PDE11A: variants seen among roughly 807,000 people sequenced by gnomAD.
The protein encoded by PDE11A is phosphodiesterase 11A, also known as dual 3',5'-cyclic-AMP and -GMP phosphodiesterase 11A.
A neutral mutation model predicts 100.5 loss-of-function variants in PDE11A; 100 were observed. The ratio of observed to expected loss-of-function variants is 1.00; its 90% CI spans 0.85 to 1.18. PDE11A has a LOEUF of 1.18. Among genes scored for constraint, PDE11A ranks in the 50% most tolerant of loss-of-function variants. The pLI, the probability that PDE11A is intolerant of heterozygous loss-of-function variation, is 0.00. For synonymous variants in PDE11A, 381 were observed against 420.8 expected (o/e 0.91, Z 1.16); for missense variants, 1,141 against 1,152.6 (o/e 0.99, Z 0.15).
intron 9 of PDE11A, among the ~76,000 whole-genome samples, chr2:177,816,311 A>G (rs1274004499): frequency 6.6e-6 from 1 of 152,192 alleles, no homozygotes; most frequent in African/African-American, 2.4e-5. Flanking sequence ...GCTCTTTTGG[A>G]ACTTAGTGTC....
chr2:177,945,170 C>T (rs567434532), intron 2 of PDE11A, among the ~76,000 whole-genome samples: 50 of 151,368 alleles, frequency 3.3e-4, no homozygotes, highest in African/African-American at 1.2e-3. Context: ...CGGCTCACTA[C>T]AACCTACACC....
In PDE11A at chr2:177,783,490, G is replaced by C. The variant is rs142474774; in HGVS notation, c.1738-14117C>G. ...TACCCAAACTAACATTTTCATATTTGTCTTCCATTTTTTCTATTAAGCTCA... is the reference window on the plus strand; with the variant it reads ...TACCCAAACTAACATTTTCATATTTCTCTTCCATTTTTTCTATTAAGCTCA... On this transcript the variant is annotated intron_variant, in intron 9 of 19. Transcript: ENST00000286063. 2.1e-3 allele frequency among the ~76,000 whole-genome samples: 313 copies of C among 152,132 alleles called. 1 individual carries two copies. Among genetic ancestry groups the C allele is most frequent in the African/African-American group, 7.2e-3 (297 of 41,506 alleles).
intron 2 of PDE11A, among the ~76,000 whole-genome samples, chr2:177,918,832 A>C (rs993040089): frequency 6.6e-6 from 1 of 152,196 alleles, no homozygotes; most frequent in Non-Finnish European, 1.5e-5. Context: ...ATAATAAAGA[A>C]ACTTGTAAAA....
intron 2 of PDE11A, among the ~76,000 whole-genome samples, chr2:178,005,789 C>T (rs1218377079): frequency 1.3e-5 from 2 of 152,196 alleles, no homozygotes; most frequent in African/African-American, 4.8e-5. Flanking sequence ...AGCACTGTAA[C>T]AGTAACAGCC....
chr2:177,690,870 C>A (rs1205641437), intron 15 of PDE11A, among the ~76,000 whole-genome samples: 1 of 152,262 alleles, frequency 6.6e-6, no homozygotes, highest in African/African-American at 2.4e-5. Flanking sequence ...TGATCACAGA[C>A]AACTTAGTGA....
chr2:177,992,669 G>C (rs976739628), intron 2 of PDE11A, among the ~76,000 whole-genome samples: 8 of 152,112 alleles, frequency 5.3e-5, no homozygotes, highest in Non-Finnish European at 1.0e-4. Context: ...AGTAGCTGAA[G>C]CACTCTTTTA....
At position 177,668,420 on chromosome 2, in the gene PDE11A, C is replaced by T. The variant is rs144226731; in HGVS notation, c.2562+1073G>A. 2.0e-3 allele frequency among the ~76,000 whole-genome samples: 301 copies of T among 152,120 alleles called. 4 individuals carry two copies. The highest frequency in any genetic ancestry group is 0.017 in the South Asian group (84 of 4,804). ...AAGCTAATATTTTTATTTTTATAAC[C>T]AAATTTGATGACACCACCAAAAAAG... is the stretch of plus-strand genomic sequence containing the variant. On this transcript the variant is annotated intron_variant, in intron 18 of 19. Coordinates refer to ENST00000286063, the MANE Select transcript of PDE11A (RefSeq NM_016953.4).
At chr2:177,905,215 TA>T (rs1403975163) in intron 2 of PDE11A, 28 bp from the exon 3 acceptor site, 17 of 1,266,102 alleles carry the variant, frequency 1.3e-5, no homozygotes, top group Non-Finnish European at 1.7e-5. Flanking sequence ...GTAAGAACAT[TA>T]AAACATAAGA....
chr2:177,805,900 A>T (rs2105560974), intron 9 of PDE11A, among the ~76,000 whole-genome samples: 1 of 152,352 alleles, frequency 6.6e-6, no homozygotes, highest in Middle Eastern at 3.4e-3. Context: ...TGAATGTGAG[A>T]CAAAGAGAAG....
At chr2:178,092,123 C>T (rs1261438487) in intron 2 of PDE11A, among the ~76,000 whole-genome samples, 1 of 152,092 alleles carries the variant, frequency 6.6e-6, no homozygotes, top group Non-Finnish European at 1.5e-5. Flanking sequence ...TAACCAACCA[C>T]AAGTTAATGA....
At chr2:177,780,777 TCA>T (rs1400574669) in intron 9 of PDE11A, among the ~76,000 whole-genome samples, 1 of 152,222 alleles carries the variant, frequency 6.6e-6, no homozygotes, top group Admixed American at 6.5e-5. Flanking sequence ...CTCACCTCTC[TCA>T]GTCTTCATAG....
intron 17 of PDE11A, among the ~76,000 whole-genome samples, chr2:177,673,938 A>G (rs1354581514): frequency 6.6e-6 from 1 of 152,170 alleles, no homozygotes; most frequent in Non-Finnish European, 1.5e-5. Context: ...TTCAGCCCCA[A>G]TACAGAATAA....
intron 15 of PDE11A, among the ~76,000 whole-genome samples, chr2:177,681,797 A>T (rs988054880): frequency 5.9e-5 from 9 of 152,210 alleles, no homozygotes; most frequent in Non-Finnish European, 1.2e-4. Flanking sequence ...TAACATTAAA[A>T]CAGAGACCTT....
chr2:177,679,661 T>G (rs753292735), intron 16 of PDE11A, among the ~76,000 whole-genome samples: 2 of 150,568 alleles, frequency 1.3e-5, no homozygotes, highest in African/African-American at 4.9e-5. Flanking sequence ...AGTGTGGGAG[T>G]AAAGGGAAGG....
At chr2:178,023,329 T>C (rs1361662533) in intron 1 of PDE11A, among the ~76,000 whole-genome samples, 2 of 152,170 alleles carry the variant, frequency 1.3e-5, no homozygotes, top group Non-Finnish European at 2.9e-5. Flanking sequence ...AAAACACACT[T>C]TAGAGGTACG....
intron 2 of PDE11A, among the ~76,000 whole-genome samples, chr2:177,908,086 C>T (rs1235780694): frequency 6.6e-6 from 1 of 152,142 alleles, no homozygotes; most frequent in South Asian, 2.1e-4. Context: ...ATTTAGAATC[C>T]AAGTGGCCTA....
At chr2:177,893,517 G>T (rs938119103) in intron 4 of PDE11A, among the ~76,000 whole-genome samples, 1 of 152,168 alleles carries the variant, frequency 6.6e-6, no homozygotes, top group African/African-American at 2.4e-5. Flanking sequence ...TTCCTCCCCT[G>T]AAGTAACATA....
chr2:177,834,236 G>A (rs13021998), intron 6 of PDE11A, among the ~76,000 whole-genome samples: 31,622 of 152,126 alleles, frequency 0.21, 3,382 homozygotes, highest in Middle Eastern at 0.26. Context: ...TGGCCTCTAC[G>A]GGGACTTGTC....
intron 18 of PDE11A, among the ~76,000 whole-genome samples, chr2:177,664,263 G>A (rs1429299991): frequency 1.3e-5 from 2 of 152,162 alleles, no homozygotes; most frequent in Admixed American, 1.3e-4. Flanking sequence ...TTGGGTACAG[G>A]TCAAGGGGAA....
Sources: allele counts gnomAD v4.1 joint callset (sites outside exome capture counted in the v4.1 genomes callset), GRCh38; gene constraint gnomAD v4.1.1; transcripts MANE v1.5; gene names NCBI Gene and HGNC (gene_info 2026-07-23, HGNC 2026-07-21).